The following KCTD1 variants were observed in gnomAD, a reference collection of about 807,000 sequenced individuals.
KCTD1 encodes the protein BTB/POZ domain-containing protein KCTD1.
In KCTD1, 24 loss-of-function variants were observed where a neutral mutation model predicts 66.0. The ratio of observed to expected loss-of-function variants is 0.36; its 90% CI spans 0.26 to 0.51. The LOEUF is 0.51. KCTD1 is among the 20% of genes least tolerant of loss of function. KCTD1 has a pLI of 0.95. For missense variants in KCTD1, 943 were observed against 1,205.2 expected (o/e 0.78, Z 3.22); for synonymous variants, 511 against 517.2 (o/e 0.99, Z 0.16).
rs557446564 is a variant in KCTD1 at position 26,603,261 on chromosome 18, C to T, written c.-16+25886G>A. Among the ~76,000 whole-genome samples the T allele has an allele frequency of 1.1e-3, 171 of 151,708 alleles. 2 individuals carry two copies. The highest frequency in any genetic ancestry group is 4.1e-3 in the African/African-American group (169 of 41,338). ...CCTGGGCAACATGGTGAAACCTTGT[C>T]TGTACTAGAAATACAAAAAAACTAG... On this transcript the variant is annotated intron_variant, in intron 1 of 4. Transcript: ENST00000317932.
chr18:26,615,609 C>T (rs76241265), intron 1 of KCTD1, among the ~76,000 whole-genome samples: 1 of 152,192 alleles, frequency 6.6e-6, no homozygotes, highest in Non-Finnish European at 1.5e-5. Flanking sequence ...TGTCCCCTTA[C>T]AGTACTGGTC....
At chr18:26,577,778 C>T (rs1035778476) in intron 1 of KCTD1, among the ~76,000 whole-genome samples, 3 of 151,622 alleles carry the variant, frequency 2.0e-5, no homozygotes, top group African/African-American at 7.3e-5. Context: ...TTTGCCATGT[C>T]GTCCAAACTG....
At chr18:26,564,744 T>G (rs1256374699) in intron 1 of KCTD1, among the ~76,000 whole-genome samples, 1 of 151,790 alleles carries the variant, frequency 6.6e-6, no homozygotes, top group East Asian at 1.9e-4. Flanking sequence ...ACAAAATTAT[T>G]CGGGCATGGT....
chr18:26,634,754 G>T (rs1176297348), intron 1 of KCTD1, among the ~76,000 whole-genome samples: 1 of 152,084 alleles, frequency 6.6e-6, no homozygotes, highest in Non-Finnish European at 1.5e-5. Flanking sequence ...TTGAACTTCA[G>T]CCCTCTCTAT....
upstream of KCTD1, among the ~76,000 whole-genome samples, chr18:26,644,478 G>A (rs1987894533): frequency 6.6e-6 from 1 of 152,122 alleles, no homozygotes; most frequent in Non-Finnish European, 1.5e-5. Context: ...AGGAAGCAGG[G>A]GGCAGGTGCG....
chr18:26,502,437 C>T (rs112502784), intron 1 of KCTD1, among the ~76,000 whole-genome samples: 6,346 of 152,138 alleles, frequency 0.042, 169 homozygotes, highest in East Asian at 0.082. Flanking sequence ...AGGCGATCTG[C>T]TCATCTCAGC....
rs8083482 is a variant in KCTD1, at chr18:26,547,349, C to T, written c.1188G>A (p.Ser396=). The change falls in exon 1 of 5, where the codon TCG becomes TCA. Residue 396 remains serine (S), a synonymous_variant. Transcript: ENST00000580059. ...CPYASFVKYL[S]KRNPLCKAFF... The stretch of plus-strand genomic sequence containing the variant: ...ACGCCTTGCAGAGAGGGTTGCGTTT[C>T]GACAGGTACTTGACGAAGCTGGCGT... The T allele has an allele frequency of 0.052, 81,117 of 1,551,352 alleles. 3,049 individuals are homozygous for T. The highest frequency in any genetic ancestry group is 0.17 in the African/African-American group (12,249 of 73,076).
At chr18:26,551,285 CAAAAG>C (rs1358792446), upstream of KCTD1, among the ~76,000 whole-genome samples, 2 of 152,118 alleles carry the variant, frequency 1.3e-5, no homozygotes, top group Non-Finnish European at 2.9e-5. Flanking sequence ...TCTCTACTGG[CAAAAG>C]TCAGGGGAAG....
intron 1 of KCTD1, among the ~76,000 whole-genome samples, chr18:26,527,709 T>A (rs1053087038): frequency 2.6e-5 from 4 of 152,224 alleles, no homozygotes; most frequent in African/African-American, 7.2e-5. Flanking sequence ...TGTACCACGC[T>A]GTTTCTAGAT....
chr18:26,501,819 A>G (rs1412181943), intron 1 of KCTD1, among the ~76,000 whole-genome samples: 1 of 152,210 alleles, frequency 6.6e-6, no homozygotes, highest in Non-Finnish European at 1.5e-5. Context: ...AAGAGATACC[A>G]CAAGTTCATC....
At chr18:26,554,379 C>T (rs1156474030) in intron 1 of KCTD1, among the ~76,000 whole-genome samples, 1 of 142,952 alleles carries the variant, frequency 7.0e-6, no homozygotes, top group African/African-American at 2.4e-5. Context: ...AGGTCTTGGA[C>T]TGTGACACAC....
chr18:26,611,284 G>C (rs1987131627), intron 1 of KCTD1, among the ~76,000 whole-genome samples: 1 of 151,456 alleles, frequency 6.6e-6, no homozygotes, highest in Non-Finnish European at 1.5e-5. Flanking sequence ...AGCTTGATTT[G>C]CCTCACCTAA....
upstream of KCTD1, among the ~76,000 whole-genome samples, chr18:26,644,280 A>G (rs2145067660): frequency 6.6e-6 from 1 of 152,272 alleles, no homozygotes; most frequent in Admixed American, 6.5e-5. Flanking sequence ...GGGCCTCAGG[A>G]TCAAAAGTGA....
chr18:26,527,499 G>T (rs181293862), intron 1 of KCTD1, among the ~76,000 whole-genome samples: 1 of 148,530 alleles, frequency 6.7e-6, no homozygotes, highest in Non-Finnish European at 1.5e-5. Flanking sequence ...AAAAGGGGGG[G>T]GGGCGTGGGA....
upstream of KCTD1, among the ~76,000 whole-genome samples, chr18:26,552,181 A>T (rs1406295616): frequency 6.6e-6 from 1 of 152,216 alleles, no homozygotes; most frequent in Non-Finnish European, 1.5e-5. Context: ...TTTCGGCATG[A>T]AAAACTCCAA....
At chr18:26,591,873 T>G (rs2144946094) in intron 1 of KCTD1, among the ~76,000 whole-genome samples, 1 of 152,340 alleles carries the variant, frequency 6.6e-6, no homozygotes, top group Non-Finnish European at 1.5e-5. Flanking sequence ...CTGTTAGACA[T>G]GGAAGCATTT....
At chr18:26,653,650 T>C (rs1320948503) in intron 1 of KCTD1, among the ~76,000 whole-genome samples, 1 of 152,218 alleles carries the variant, frequency 6.6e-6, no homozygotes, top group East Asian at 1.9e-4. Flanking sequence ...ATTTGTTCAA[T>C]GAATGAATGA....
chr18:26,641,525 T>C (rs1987833507), upstream of KCTD1, among the ~76,000 whole-genome samples: 1 of 152,130 alleles, frequency 6.6e-6, no homozygotes. Flanking sequence ...TCACCTTCTG[T>C]TCAGTTTCCT....
chr18:26,466,031 T>C (rs988836575), intron 3 of KCTD1, among the ~76,000 whole-genome samples: 1 of 145,100 alleles, frequency 6.9e-6, no homozygotes, highest in Non-Finnish European at 1.5e-5. Context: ...TGGGGGCCTA[T>C]CCAGGTCGCC....
Sources: gnomAD v4.1 joint callset for allele counts (sites outside exome capture counted in the v4.1 genomes callset) on GRCh38, gnomAD v4.1.1 for gene constraint, MANE v1.5 for transcripts, NCBI Gene and HGNC (gene_info 2026-07-23, HGNC 2026-07-21) for gene names.